Variants in ESR1 observed in about 807,000 individuals in gnomAD.
ESR1 encodes estrogen receptor 1.
In ESR1, 12 loss-of-function variants were observed where a neutral mutation model predicts 52.7. That is an observed-to-expected ratio of 0.23 (90% CI 0.15 to 0.37). The LOEUF is 0.37. Ranked by LOEUF, ESR1 falls within the 10% of genes least tolerant of loss-of-function variation. The pLI is 1.00. For synonymous variants in ESR1, 305 were observed against 316.8 expected (o/e 0.96, Z 0.39); for missense variants, 584 against 779.7 (o/e 0.75, Z 2.99).
intron 1 of ESR1, among the ~76,000 whole-genome samples, chr6:151,677,639 G>A (rs529490566): frequency 1.3e-5 from 2 of 152,252 alleles, no homozygotes; most frequent in African/African-American, 2.4e-5. Flanking sequence ...CTGACTATAG[G>A]ACTCCAGTCC....
At chr6:151,727,354 A>G (rs1231527657) in intron 2 of ESR1, among the ~76,000 whole-genome samples, 1 of 152,040 alleles carries the variant, frequency 6.6e-6, no homozygotes, top group Non-Finnish European at 1.5e-5. Context: ...GGTGTGCACC[A>G]TCACGCCCGG....
rs575714974 is a variant in ESR1 at position 152,070,805 on chromosome 6, T to G, written c.1369+9681T>G. ...AGGGCCCGTGGCTGCTTTTGCAGACTGAAATTGATTGTGGTTGATTCAGCT... is the reference window on the plus strand; with the variant it reads ...AGGGCCCGTGGCTGCTTTTGCAGACGGAAATTGATTGTGGTTGATTCAGCT... On this transcript the variant is annotated intron_variant, in intron 6 of 7. Coordinates refer to ENST00000206249, the MANE Select transcript of ESR1 (RefSeq NM_000125.4). Among the ~76,000 whole-genome samples the G allele has an allele frequency of 1.4e-5, 2 of 139,306 alleles. 1 individual carries two copies. Among genetic ancestry groups the G allele is most frequent in the East Asian group, 4.6e-4 (2 of 4,334 alleles). 91.4% of individuals were successfully genotyped at this position (139,306 alleles called of 152,430 possible).
chr6:152,072,156 T>C (rs529705397), intron 6 of ESR1, among the ~76,000 whole-genome samples: 1 of 152,346 alleles, frequency 6.6e-6, no homozygotes, highest in East Asian at 1.9e-4. Context: ...ATTATAAACA[T>C]CTCCTTTTGA....
chr6:151,834,930 A>T lies in ESR1; in HGVS notation c.453-7667A>T, dbSNP rs551111581. ...GCTGGGCCTTCCAGGTCACGGAAGGACTTGAGCTTTACTCTTGTTGTGGTG... is the reference window on the plus strand; with the variant it reads ...GCTGGGCCTTCCAGGTCACGGAAGGTCTTGAGCTTTACTCTTGTTGTGGTG... On this transcript the variant is annotated intron_variant, in intron 1 of 7. Transcript: ENST00000206249. Among the ~76,000 whole-genome samples, 4 of 152,134 alleles carry T rather than the reference A, an allele frequency of 2.6e-5. No homozygotes were observed. The East Asian group carries it at 7.8e-4, about 30-fold the overall frequency.
intron 4 of ESR1, among the ~76,000 whole-genome samples, chr6:151,989,293 T>A (rs1012101154): frequency 6.6e-6 from 1 of 152,118 alleles, no homozygotes; most frequent in Non-Finnish European, 1.5e-5. Context: ...CAAAAACATG[T>A]CTTAATCAAA....
At chr6:152,002,439 A>C (rs1314211256) in intron 4 of ESR1, among the ~76,000 whole-genome samples, 2 of 152,010 alleles carry the variant, frequency 1.3e-5, no homozygotes, top group African/African-American at 4.8e-5. Flanking sequence ...TGATGACAAT[A>C]GTATTTGAAA....
At chr6:151,830,511 C>G (rs1330843148) in intron 1 of ESR1, among the ~76,000 whole-genome samples, 3 of 152,198 alleles carry the variant, frequency 2.0e-5, no homozygotes, top group African/African-American at 7.2e-5. Context: ...GCAGCTCTCT[C>G]TCTCTCTCGA....
intron 2 of ESR1, among the ~76,000 whole-genome samples, chr6:151,736,170 C>T (rs1482418606): frequency 6.6e-6 from 1 of 152,148 alleles, no homozygotes; most frequent in Non-Finnish European, 1.5e-5. Context: ...CAAATTAATA[C>T]TGTCCTTTCC....
intron 6 of ESR1, among the ~76,000 whole-genome samples, chr6:152,090,705 A>C (rs1282667180): frequency 6.6e-6 from 1 of 152,222 alleles, no homozygotes; most frequent in African/African-American, 2.4e-5. Context: ...AGGAAAAGGA[A>C]GGGAGAATGT....
At chr6:152,045,866 G>T (rs750146733) in intron 5 of ESR1, among the ~76,000 whole-genome samples, 1 of 152,184 alleles carries the variant, frequency 6.6e-6, no homozygotes, top group Non-Finnish European at 1.5e-5. Flanking sequence ...ACCTTCTTGT[G>T]GAAGTTAGTA....
rs910786208 is a variant in ESR1 at position 151,945,283 on chromosome 6, A to G, written c.1096+775A>G. ...TTTATGGATTAAAAAGATAATAATA[A>G]GTGTATTTACTGAATGCCAATTATT... On this transcript the variant is annotated intron_variant, in intron 4 of 7. Transcript: ENST00000206249. Among the ~76,000 whole-genome samples, 5 of 152,360 alleles carry G rather than the reference A, an allele frequency of 3.3e-5. No homozygotes were observed. The South Asian group carries it at 1.0e-3, about 32-fold the overall frequency.
At chr6:151,757,675 C>G (rs2128090136) in intron 2 of ESR1, among the ~76,000 whole-genome samples, 1 of 152,316 alleles carries the variant, frequency 6.6e-6, no homozygotes, top group Non-Finnish European at 1.5e-5. Flanking sequence ...GCTTGGACCC[C>G]TTTGCTTGTT....
At chr6:151,755,878 G>A (rs967305483) in intron 2 of ESR1, among the ~76,000 whole-genome samples, 6 of 151,974 alleles carry the variant, frequency 3.9e-5, no homozygotes, top group Non-Finnish European at 2.9e-5. Context: ...TGATCTGCCC[G>A]CTTCAGCCTC....
intron 2 of ESR1, among the ~76,000 whole-genome samples, chr6:151,749,978 G>C (rs541913133): frequency 6.0e-4 from 92 of 152,282 alleles, no homozygotes; most frequent in African/African-American, 2.0e-3. Context: ...ATTTATGTAA[G>C]GTGTTAATTG....
intron 2 of ESR1, among the ~76,000 whole-genome samples, chr6:151,791,010 T>C (rs1185169261): frequency 6.6e-6 from 1 of 152,184 alleles, no homozygotes; most frequent in African/African-American, 2.4e-5. Context: ...TAACTGATCA[T>C]GAATTGTTTA....
intron 2 of ESR1, among the ~76,000 whole-genome samples, chr6:151,776,916 A>G (rs1786049738): frequency 6.6e-6 from 1 of 151,380 alleles, no homozygotes; most frequent in Non-Finnish European, 1.5e-5. Context: ...ATTTTTTTAT[A>G]GGGAGATATA....
intron 3 of ESR1, among the ~76,000 whole-genome samples, chr6:151,914,129 C>G (rs1457687881): frequency 6.6e-6 from 1 of 151,876 alleles, no homozygotes; most frequent in African/African-American, 2.4e-5. Context: ...TTTCTGTGAG[C>G]CAATTTTCTT....
intron 3 of ESR1, among the ~76,000 whole-genome samples, chr6:151,942,422 C>T (rs1350440821): frequency 1.3e-5 from 2 of 152,044 alleles, no homozygotes; most frequent in Non-Finnish European, 2.9e-5. Context: ...CTCAAACTTA[C>T]AAGATTATTG....
At chr6:151,693,526 C>T (rs943866451) in intron 1 of ESR1, among the ~76,000 whole-genome samples, 10 of 152,318 alleles carry the variant, frequency 6.6e-5, no homozygotes, top group Non-Finnish European at 1.2e-4. Context: ...GTGTCAAAAA[C>T]GTGTTACAAA....
Sources: gnomAD v4.1 joint callset for allele counts (sites outside exome capture counted in the v4.1 genomes callset) on GRCh38, gnomAD v4.1.1 for gene constraint, MANE v1.5 for transcripts, NCBI Gene and HGNC (gene_info 2026-07-23, HGNC 2026-07-21) for gene names.